The following LRRC53 variants were observed in gnomAD, a reference collection of about 807,000 sequenced individuals.
LRRC53 encodes leucine-rich repeat-containing protein 53.
LRRC53 carries 25 observed loss-of-function variants against 13.6 expected under a neutral mutation model. That is an observed-to-expected ratio of 1.83 (90% CI 1.34 to 2.56). The LOEUF is 2.56. Ranked by LOEUF, LRRC53 falls within the 30% of genes most tolerant of loss-of-function variation. The probability of loss-of-function intolerance (pLI) is 0.00; values close to 1 mark genes in which losing one functional copy is unlikely to be tolerated. For synonymous variants in LRRC53, 204 were observed against 109.8 expected, an observed-to-expected ratio of 1.86 and a Z score of -5.37; for missense variants, 527 against 275.8, an observed-to-expected ratio of 1.91 and a Z score of -6.45.
intron 1 of LRRC53, among the ~76,000 whole-genome samples, chr1:74,506,002 T>C (rs1420565227): frequency 6.6e-6 from 1 of 152,218 alleles, no homozygotes; most frequent in East Asian, 1.9e-4. Flanking sequence ...TTTTGTTTTT[T>C]TGGCCTTCAT....
chr1:74,491,042 G>T lies in LRRC53; in HGVS notation c.-26-7667C>A, dbSNP rs148872114. Among the ~76,000 whole-genome samples, 13 of 152,200 alleles carry T rather than the reference G, an allele frequency of 8.5e-5. No homozygotes were observed. In the East Asian group the frequency reaches 2.5e-3, roughly 29 times the overall value. On this transcript the variant is annotated intron_variant, in intron 1 of 4. Transcript: ENST00000294635. The stretch of plus-strand genomic sequence containing the variant: ...TAGTCTTGTTCTGAAATGGCAAAGT[G>T]GTATCCAGTTGTGTCTGTGAGCCTT...
rs1177606038 is a variant in LRRC53 at position 74,480,943 on chromosome 1, T to G, written c.114A>C (p.Leu38Phe). ...IVAAPMTTRV[L>F]IITDGYLSSI... Reference sequence around the variant, plus strand: ...AGGAGAGATATCCATCGGTGATGATTAAAACCCTCGTGGTCATAGGGGCTG... The same window carrying G: ...AGGAGAGATATCCATCGGTGATGATGAAAACCCTCGTGGTCATAGGGGCTG... Residue 38 changes from leucine (L) to phenylalanine (F), a missense_variant, in exon 3 of 5, where the codon TTA becomes TTC. By Grantham distance (22) the Leu-to-Phe change is conservative (BLOSUM62 0). Transcript: ENST00000294635. The G allele has an allele frequency of 2.8e-6, 2 of 716,258 alleles. No individual in the cohort carries two copies. Among genetic ancestry groups the G allele is most frequent in the East Asian group, 2.7e-5 (1 of 37,258 alleles). The allele number at this position is 716,258 out of a possible 1,614,324, so 44.4% of individuals were successfully genotyped here.
At chr1:74,490,113 A>C (rs1278645802) in intron 1 of LRRC53, among the ~76,000 whole-genome samples, 1 of 151,518 alleles carries the variant, frequency 6.6e-6, no homozygotes, top group Non-Finnish European at 1.5e-5. Flanking sequence ...CTATTGGAAA[A>C]GGATTTGCAG....
At chr1:74,473,267 G>A (rs1043866387) in intron 4 of LRRC53, among the ~76,000 whole-genome samples, 1 of 151,826 alleles carries the variant, frequency 6.6e-6, no homozygotes, top group East Asian at 1.9e-4. Flanking sequence ...CTTTAAAGAA[G>A]TTGAATGCTT....
At chr1:74,515,099 A>G (rs1171690157), upstream of LRRC53, among the ~76,000 whole-genome samples, 1 of 152,128 alleles carries the variant, frequency 6.6e-6, no homozygotes. Context: ...TCCTTCAGAA[A>G]GAACCAACCT....
chr1:74,482,162 C>G (rs1668538104), intron 2 of LRRC53, among the ~76,000 whole-genome samples: 1 of 152,090 alleles, frequency 6.6e-6, no homozygotes, highest in Non-Finnish European at 1.5e-5. Flanking sequence ...TCATGGGTCC[C>G]CAGTCCTTTA....
intron 1 of LRRC53, among the ~76,000 whole-genome samples, chr1:74,511,434 G>A (rs1293032708): frequency 6.6e-6 from 1 of 152,120 alleles, no homozygotes; most frequent in Non-Finnish European, 1.5e-5. Context: ...CTGACCTCAA[G>A]TAATTCACTC....
At chr1:74,536,983 G>T in the LRRC53 span, among the ~76,000 whole-genome samples, 78,630 of 151,952 alleles carry the variant, frequency 0.52, 21,628 homozygotes, top group East Asian at 0.73. Flanking sequence ...ATTGATCAGG[G>T]TCTGGTTTCT....
intron 1 of LRRC53, among the ~76,000 whole-genome samples, chr1:74,509,009 G>A (rs996280320): frequency 2.6e-5 from 4 of 152,166 alleles, no homozygotes; most frequent in African/African-American, 9.7e-5. Context: ...ACCCACGGAT[G>A]GATAAACCCC....
chr1:74,501,474 G>GTGTGTGTT (rs138060844), intron 1 of LRRC53, among the ~76,000 whole-genome samples: 27 of 149,942 alleles, frequency 1.8e-4, no homozygotes, highest in African/African-American at 5.4e-4. Flanking sequence ...TTTTTGTTTT[G>GTGTGTGTT]TGTTTGTTTG....
chr1:74,504,489 C>G (rs1431511189), intron 1 of LRRC53, among the ~76,000 whole-genome samples: 1 of 152,078 alleles, frequency 6.6e-6, no homozygotes, highest in Non-Finnish European at 1.5e-5. Flanking sequence ...TTAAAACCAC[C>G]CTTAGTTTGA....
At chr1:74,524,233 G>C in the LRRC53 span, among the ~76,000 whole-genome samples, 6 of 152,346 alleles carry the variant, frequency 3.9e-5, no homozygotes, top group East Asian at 1.2e-3. Flanking sequence ...GAGGCATTCT[G>C]AAGAGTCTGT....
chr1:74,509,162 A>G (rs1164456814), intron 1 of LRRC53, among the ~76,000 whole-genome samples: 1 of 152,164 alleles, frequency 6.6e-6, no homozygotes, highest in East Asian at 1.9e-4. Flanking sequence ...CTTTACCCAT[A>G]AATTTCTCAC....
chr1:74,513,368 G>A (rs897737394), upstream of LRRC53, among the ~76,000 whole-genome samples: 1 of 152,184 alleles, frequency 6.6e-6, no homozygotes, highest in Non-Finnish European at 1.5e-5. Context: ...GGGATGCAGG[G>A]GCACTGGTAG....
At chr1:74,500,951 A>G (rs74825940) in intron 1 of LRRC53, among the ~76,000 whole-genome samples, 2 of 152,158 alleles carry the variant, frequency 1.3e-5, no homozygotes. Context: ...ATATAAATTT[A>G]TGTTTATTTA....
chr1:74,508,252 A>C (rs1005330983), intron 1 of LRRC53, among the ~76,000 whole-genome samples: 1 of 152,246 alleles, frequency 6.6e-6, no homozygotes, highest in African/African-American at 2.4e-5. Context: ...CCTTGTGCAC[A>C]TGTACCCTAG....
Position 74,477,713 on chromosome 1 carries a change from G to C in LRRC53, c.905-1903C>G, listed in dbSNP as rs371289395. Among the ~76,000 whole-genome samples, 6 of 152,142 alleles carry C rather than the reference G, an allele frequency of 3.9e-5. No homozygotes were observed. In the East Asian group the frequency reaches 1.2e-3, roughly 29 times the overall value. On this transcript the variant is annotated intron_variant, in intron 3 of 4. Transcript: ENST00000294635. ...GGTATATATCTGTATCCCATTACCA[G>C]TCAGGTATGGTCACTTTCCATTAGT...
At chr1:74,475,009 T>A (rs1668118652) in intron 4 of LRRC53, among the ~76,000 whole-genome samples, 1 of 151,858 alleles carries the variant, frequency 6.6e-6, no homozygotes, top group Non-Finnish European at 1.5e-5. Flanking sequence ...GGCTACTTTT[T>A]TTCTTTTTTT....
chr1:74,475,850 G>A, intron 3 of LRRC53, 40 bp from the exon 4 acceptor site: 3 of 530,482 alleles, frequency 5.7e-6, no homozygotes, highest in Non-Finnish European at 6.8e-6. Flanking sequence ...TAACATCTTG[G>A]GAAGAAACAC....
Sources: gnomAD v4.1 joint callset for allele counts (sites outside exome capture counted in the v4.1 genomes callset) on GRCh38, gnomAD v4.1.1 for gene constraint, MANE v1.5 for transcripts, NCBI Gene and HGNC (gene_info 2026-07-23, HGNC 2026-07-21) for gene names.